LCK: variants seen among roughly 807,000 people sequenced by gnomAD.
The protein encoded by LCK is LCK proto-oncogene, Src family tyrosine kinase, also known as tyrosine-protein kinase Lck.
In LCK, 14 loss-of-function variants were observed where a neutral mutation model predicts 64.6. That is an observed-to-expected ratio of 0.22 (90% CI 0.14 to 0.34). LCK has a LOEUF of 0.34. Ranked by LOEUF, LCK falls within the 10% of genes least tolerant of loss-of-function variation. LCK has a pLI of 1.00. For synonymous variants in LCK, 277 were observed against 263.6 expected, an observed-to-expected ratio of 1.05 and a Z score of -0.49; for missense variants, 434 against 668.1, an observed-to-expected ratio of 0.65 and a Z score of 3.86.
chr1:32,253,275 T>A (rs1639551316), intron 1 of LCK, among the ~76,000 whole-genome samples: 2 of 151,982 alleles, frequency 1.3e-5, no homozygotes, highest in South Asian at 4.2e-4. Context: ...TGAGGCAGAA[T>A]TGCTTGAACC....
chr1:32,268,288 T>C (rs1047407152), intron 1 of LCK, among the ~76,000 whole-genome samples: 2 of 151,972 alleles, frequency 1.3e-5, no homozygotes, highest in Non-Finnish European at 2.9e-5. Context: ...TTTTCAAAAC[T>C]TAAAAAAATT....
intron 12 of LCK, among the ~76,000 whole-genome samples, chr1:32,280,429 CTTTTTTTCTTTTTCTTTT>C (rs1640417798): frequency 5.9e-5 from 7 of 119,140 alleles, no homozygotes; most frequent in African/African-American, 2.1e-4. Flanking sequence ...TTCTTTTTCT[CTTTTTTTCTTTTTCTTTT>C]TTTTTTTTTT....
At position 32,272,227 on chromosome 1, in the gene LCK, G is replaced by GA. The variant is rs36045049; in HGVS notation, c.-5-2086dup. Among the ~76,000 whole-genome samples, 146 of 146,514 alleles carry GA rather than the reference G, an allele frequency of 1.0e-3. 1 individual carries two copies. The highest frequency in any genetic ancestry group is 6.9e-3 in the South Asian group (32 of 4,646). On this transcript the variant is annotated intron_variant, in intron 1 of 12. Coordinates refer to ENST00000336890, the MANE Select transcript of LCK (RefSeq NM_005356.5). Reference sequence around the variant, plus strand: ...TGAACCTGGGAGGTAGAGGTTGCAGGAAAAAAAAAAAAGGTAATATTTCAG... The same window carrying GA: ...TGAACCTGGGAGGTAGAGGTTGCAGGAAAAAAAAAAAAAGGTAATATTTCAG...
intron 1 of LCK, among the ~76,000 whole-genome samples, chr1:32,261,769 T>C (rs543285922): frequency 3.3e-5 from 5 of 149,686 alleles, no homozygotes; most frequent in African/African-American, 1.2e-4. Flanking sequence ...CTGACCAACA[T>C]GGTGAAACCC....
intron 9 of LCK, among the ~76,000 whole-genome samples, chr1:32,277,340 C>T (rs1286130114): frequency 6.6e-6 from 1 of 152,116 alleles, no homozygotes; most frequent in Non-Finnish European, 1.5e-5. Flanking sequence ...CCCCAACCTT[C>T]CCTGACCTGC....
chr1:32,284,799 A>G (rs1242553713), intron 12 of LCK, among the ~76,000 whole-genome samples: 1 of 152,184 alleles, frequency 6.6e-6, no homozygotes, highest in African/African-American at 2.4e-5. Flanking sequence ...TCCACAACTA[A>G]CATGTGTGTA....
rs960070856 is a variant in LCK, at chr1:32,251,553, A to T, written c.-6+182A>T. On this transcript the variant is annotated intron_variant, in intron 1 of 12. Coordinates refer to ENST00000336890, the MANE Select transcript of LCK (RefSeq NM_005356.5). The surrounding 1 kb of genome is among the most constrained non-coding windows in gnomAD (Gnocchi z 4.0). ...GTAGCTGGGTCGCCTCTTTCCTGCG[A>T]AGCTGGTGTCGCTTGCCTCTGTCGT... is the stretch of plus-strand genomic sequence containing the variant. Among the ~76,000 whole-genome samples, 11 of 152,152 alleles carry T rather than the reference A, an allele frequency of 7.2e-5. No homozygotes were observed. The highest frequency in any genetic ancestry group is 2.7e-4 in the African/African-American group (11 of 41,428).
intron 1 of LCK, among the ~76,000 whole-genome samples, chr1:32,261,223 G>A (rs1249653280): frequency 6.7e-6 from 1 of 148,594 alleles, no homozygotes; most frequent in Non-Finnish European, 1.5e-5. Context: ...ATGCCATCAC[G>A]CCATCATGCT....
At chr1:32,254,317 G>A (rs1368368111) in intron 1 of LCK, among the ~76,000 whole-genome samples, 2 of 152,070 alleles carry the variant, frequency 1.3e-5, no homozygotes, top group African/African-American at 2.4e-5. Context: ...TCAGGAGTTC[G>A]AAACCAGCCT....
At chr1:32,271,958 CTG>C (rs1302544923) in intron 1 of LCK, among the ~76,000 whole-genome samples, 1 of 152,082 alleles carries the variant, frequency 6.6e-6, no homozygotes, top group African/African-American at 2.4e-5. Flanking sequence ...TTGCAGGAGA[CTG>C]GGGTGAGAGG....
Position 32,280,167 on chromosome 1 carries a change from C to A in LCK, c.1284C>A (p.Ile428=). The change falls in exon 12 of 13, where the codon ATC becomes ATA. Residue 428 remains isoleucine, a synonymous_variant. Coordinates refer to ENST00000336890, the MANE Select transcript of LCK (RefSeq NM_005356.5). ...AGTCAGATGTGTGGTCTTTTGGGAT[C>A]CTGCTGACGGAAATTGTCACCCACG... is the stretch of plus-strand genomic sequence containing the variant. The part of the protein sequence containing the change: ...TIKSDVWSFG[I]LLTEIVTHGR... 6.2e-7 allele frequency: 1 copy of A among 1,614,120 alleles called. No homozygotes were observed. The highest frequency in any genetic ancestry group is 1.3e-5 in the African/African-American group (1 of 75,028).
intron 1 of LCK, chr1:32,274,079 G>A: frequency 1.4e-6 from 1 of 718,074 alleles, no homozygotes; most frequent in Non-Finnish European, 2.2e-6. Flanking sequence ...CCCATCCCAG[G>A]TGGGAGGGTG....
At chr1:32,260,698 C>A (rs772646834) in intron 1 of LCK, among the ~76,000 whole-genome samples, 2 of 152,162 alleles carry the variant, frequency 1.3e-5, no homozygotes, top group Non-Finnish European at 2.9e-5. Flanking sequence ...TATTGGCTCA[C>A]TGCAACCTCA....
Position 32,285,787 on chromosome 1 carries a change from C to A in LCK, c.*71C>A. On this transcript the variant is annotated 3_prime_UTR_variant, in exon 13 of 13. Transcript: ENST00000336890. Reference sequence around the variant, plus strand: ...GACTTGGGGAGATGGAGTTCTTGTGCCATAGTCACATGGCCTATGCACATA... The same window carrying A: ...GACTTGGGGAGATGGAGTTCTTGTGACATAGTCACATGGCCTATGCACATA... 1 of 1,483,356 alleles carries A rather than the reference C, an allele frequency of 6.7e-7. No homozygotes were observed. The highest frequency in any genetic ancestry group is 9.2e-7 in the Non-Finnish European group (1 of 1,088,910). 91.9% of individuals were successfully genotyped at this position (1,483,356 alleles called of 1,614,324 possible). A position where few individuals can be genotyped will look rare whatever the true frequency, so the allele number is the denominator to read the frequency against.
At chr1:32,274,610 T>A in intron 2 of LCK, 127 bp from the exon 3 acceptor site, 1 of 934,466 alleles carries the variant, frequency 1.1e-6, no homozygotes, top group Non-Finnish European at 1.6e-6. Context: ...ACACAGAAAG[T>A]AGTTGGTAAA....
Position 32,276,628 on chromosome 1 carries a change from A to G in LCK, c.806A>G (p.Lys269Arg). ...VWMGYYNGHT[K>R]VAVKSLKQGS... is the part of the protein sequence containing the mutation. ...CCAGGGTACTACAACGGGCACACGA[A>G]GGTGGCGGTGAAGAGCCTGAAGCAG... The change falls in exon 9 of 13, where the codon AAG (lysine) becomes AGG (arginine). Residue 269 changes from lysine (K) to arginine (R), a missense_variant. Coordinates refer to ENST00000336890, the MANE Select transcript of LCK (RefSeq NM_005356.5). The surrounding 1 kb of genome is among the most constrained non-coding windows in gnomAD (Gnocchi z 4.6). 1 of 1,612,742 alleles carries G rather than the reference A, an allele frequency of 6.2e-7. No individual in the cohort carries two copies. Among genetic ancestry groups the G allele is most frequent in the Non-Finnish European group, 8.5e-7 (1 of 1,179,238 alleles).
rs756473344 is a variant in LCK, at chr1:32,274,811, A to C, written c.180A>C (p.Pro60=). Residue 60 remains proline, a synonymous_variant, in exon 3 of 13, where the codon CCA becomes CCC. Transcript: ENST00000336890. The part of the protein sequence containing the change: ...TYEGSNPPAS[P]LQDNLVIALH... ...AAGGCTCCAATCCGCCGGCTTCCCC[A>C]CTGCAAGGTGACCCCAGGCAGCAGG... 1.2e-6 allele frequency: 2 copies of C among 1,613,772 alleles called. No homozygotes were observed. The highest frequency in any genetic ancestry group is 1.7e-5 in the Admixed American group (1 of 59,966).
At chr1:32,256,103 A>T (rs1284703208) in intron 1 of LCK, among the ~76,000 whole-genome samples, 1 of 152,058 alleles carries the variant, frequency 6.6e-6, no homozygotes, top group Non-Finnish European at 1.5e-5. Context: ...CCCCGTCTCT[A>T]TTAAAACATA....
chr1:32,251,612 G>A lies in LCK; in HGVS notation c.-6+241G>A, dbSNP rs188885888. On this transcript the variant is annotated intron_variant, in intron 1 of 12. Transcript: ENST00000336890. This position sits in a 1 kb window ranked among gnomAD's most constrained non-coding sequence, Gnocchi z 4.0. ...CCAGTGGCCCCACCTGACTGGGAGC[G>A]TGTTTCCTGGACACCAGGCACATGG... Among the ~76,000 whole-genome samples, 525 of 152,276 alleles carry A rather than the reference G, an allele frequency of 3.4e-3. 5 individuals are homozygous for A. Among genetic ancestry groups the A allele is most frequent in the Non-Finnish European group, 3.4e-3 (228 of 68,004 alleles).
Sources: gnomAD v4.1 joint callset for allele counts (sites outside exome capture counted in the v4.1 genomes callset) on GRCh38, gnomAD v4.1.1 for gene constraint, Gnocchi (gnomAD v3.1) non-coding constraint, MANE v1.5 for transcripts, NCBI Gene and HGNC (gene_info 2026-07-23, HGNC 2026-07-21) for gene names.